Variants in PCDHA7 observed in about 807,000 individuals in gnomAD.
PCDHA7 encodes the protein protocadherin alpha 7.
A neutral mutation model predicts 57.2 loss-of-function variants in PCDHA7; 37 were observed. The ratio of observed to expected loss-of-function variants is 0.65; its 90% CI spans 0.50 to 0.85. The LOEUF (loss-of-function observed/expected upper bound fraction) is 0.85. PCDHA7 is among the 40% of genes least tolerant of loss of function. The pLI is 0.00. For missense variants in PCDHA7, 1,188 were observed against 1,241.8 expected (o/e 0.96, Z 0.65); for synonymous variants, 553 against 558.8 (o/e 0.99, Z 0.15).
chr5:141,009,999 G>A lies in PCDHA7; in HGVS notation c.*62G>A. 1 of 1,575,110 alleles carries A rather than the reference G, an allele frequency of 6.3e-7. No individual in the cohort carries two copies. The highest frequency in any genetic ancestry group is 1.2e-5 in the South Asian group (1 of 82,646). On this transcript the variant is annotated 3_prime_UTR_variant, in exon 4 of 4. Coordinates refer to ENST00000525929, the MANE Select transcript of PCDHA7 (RefSeq NM_018910.3). ...TGTAATAATGGCAAATCTCTCCCAT[G>A]TAGCAATTCCCTGCTCCTTTTTCCT...
At chr5:140,965,689 A>T (rs2095924180) in intron 1 of PCDHA7, among the ~76,000 whole-genome samples, 2 of 152,266 alleles carry the variant, frequency 1.3e-5, no homozygotes, top group African/African-American at 4.8e-5. Context: ...TTGAAGCAAG[A>T]TTAGAAAAAG....
chr5:140,892,233 C>G (rs1199614913), intron 1 of PCDHA7, among the ~76,000 whole-genome samples: 1 of 152,082 alleles, frequency 6.6e-6, no homozygotes, highest in Non-Finnish European at 1.5e-5. Context: ...TGTTTTGTCT[C>G]CACATAAACC....
intron 3 of PCDHA7, among the ~76,000 whole-genome samples, chr5:140,995,850 C>T (rs924455609): frequency 3.9e-5 from 6 of 152,080 alleles, no homozygotes; most frequent in African/African-American, 1.4e-4. Context: ...ACATTTCTAT[C>T]GTATCACTTA....
chr5:140,926,464 A>C (rs1445781673), intron 1 of PCDHA7: 1 of 159,892 alleles, frequency 6.3e-6, no homozygotes, highest in Non-Finnish European at 1.4e-5. Flanking sequence ...TGTCCTAGAA[A>C]ACACCGTTTA....
chr5:140,877,433 A>G, intron 1 of PCDHA7: 8 of 1,613,774 alleles, frequency 5.0e-6, no homozygotes, highest in Non-Finnish European at 6.8e-6. Context: ...GTGAAGGACC[A>G]CGGTGAGCCC....
At chr5:140,952,185 T>C (rs1354216964) in intron 1 of PCDHA7, among the ~76,000 whole-genome samples, 1 of 152,010 alleles carries the variant, frequency 6.6e-6, no homozygotes, top group Non-Finnish European at 1.5e-5. Context: ...GCTGCTCTCA[T>C]GGGTTGGTGT....
In PCDHA7 at chr5:140,838,575, T is replaced by G. The variant is rs1333635354; in HGVS notation, c.2355+1837T>G. Among the ~76,000 whole-genome samples the G allele has an allele frequency of 2.6e-5, 4 of 152,148 alleles. No homozygotes were observed. In the East Asian group the frequency reaches 7.7e-4, roughly 29 times the overall value. The stretch of plus-strand genomic sequence containing the variant: ...TTCATCCAGTACTGTATTAGGGACA[T>G]TAATGAAACAATAACCGAATTGTCT... On this transcript the variant is annotated intron_variant, in intron 1 of 3. Coordinates refer to ENST00000525929, the MANE Select transcript of PCDHA7 (RefSeq NM_018910.3).
rs868958947 is a variant in PCDHA7 at position 140,854,334 on chromosome 5, C to T, written c.2355+17596C>T. On this transcript the variant is annotated intron_variant, in intron 1 of 3. Transcript: ENST00000525929. ...ATTGATCAATGGCAAACTTATTTTA[C>T]GCTCCAGATAGCTAAAACAAACGTT... The T allele has an allele frequency of 4.5e-5, 9 of 198,856 alleles. 1 individual carries two copies. The highest frequency in any genetic ancestry group is 1.9e-4 in the East Asian group (1 of 5,382). The allele number at this position is 198,856 out of a possible 1,614,324, so 12.3% of individuals were successfully genotyped here. A position where few individuals can be genotyped will look rare whatever the true frequency, so the allele number is the denominator to read the frequency against.
chr5:140,991,635 T>C (rs1215420696), intron 3 of PCDHA7, among the ~76,000 whole-genome samples: 1 of 152,220 alleles, frequency 6.6e-6, no homozygotes, highest in East Asian at 1.9e-4. Flanking sequence ...GTAATAACAA[T>C]CTGTTCATGA....
At chr5:140,877,259 C>G in intron 1 of PCDHA7, 1 of 1,613,752 alleles carries the variant, frequency 6.2e-7, no homozygotes, top group Non-Finnish European at 8.5e-7. Flanking sequence ...AAAGTGCGCG[C>G]GGTGGACGCT....
rs2150318031 is a variant in PCDHA7, at chr5:140,841,549, G to A, written c.2355+4811G>A. The A allele has an allele frequency of 3.1e-6, 5 of 1,613,828 alleles. No homozygotes were observed. The South Asian group carries it at 3.3e-5, about 11-fold the overall frequency. On this transcript the variant is annotated intron_variant, in intron 1 of 3. Transcript: ENST00000525929. ...CCAAAAGACACCGGGACCTTCTGGA[G>A]GTAAGTCTGCAGAATGGCATTTTGT...
chr5:140,882,731 G>C, intron 1 of PCDHA7: 1 of 1,614,232 alleles, frequency 6.2e-7, no homozygotes, highest in Non-Finnish European at 8.5e-7. Flanking sequence ...ATTTCCACTA[G>C]ATGGCGCATC....
chr5:141,001,518 C>G (rs573560944), intron 3 of PCDHA7, among the ~76,000 whole-genome samples: 2 of 152,272 alleles, frequency 1.3e-5, no homozygotes, highest in East Asian at 1.9e-4. Context: ...AGCTTTCTCC[C>G]TCTCTCTCTG....
intron 1 of PCDHA7, chr5:140,851,988 A>G: frequency 1.0e-6 from 1 of 975,740 alleles, no homozygotes. Flanking sequence ...AGTGCAAGCT[A>G]TTTGTTTGTT....
chr5:140,849,154 C>G, intron 1 of PCDHA7: 1 of 1,231,386 alleles, frequency 8.1e-7, no homozygotes, highest in Non-Finnish European at 1.1e-6. Context: ...GGAGGCAAAC[C>G]CGAGCTGACT....
intron 3 of PCDHA7, among the ~76,000 whole-genome samples, chr5:140,983,739 G>T (rs983923811): frequency 5.3e-5 from 8 of 152,194 alleles, no homozygotes; most frequent in African/African-American, 1.9e-4. Context: ...TGGCTGGCTT[G>T]CAATAATCCA....
rs2150316766 is a variant in PCDHA7 at position 140,841,503 on chromosome 5, C to A, written c.2355+4765C>A. 418 of 1,613,290 alleles carry A rather than the reference C, an allele frequency of 2.6e-4. 3 individuals are homozygous for A. In the East Asian group the frequency reaches 7.1e-3, roughly 27 times the overall value. On this transcript the variant is annotated intron_variant, in intron 1 of 3. Transcript: ENST00000525929. ...GGGCTGGAGCTGGCGGAGCTGGTGC[C>A]GCGCCTGTTCCGGGTGGCGTCCAAA...
At chr5:140,848,580 G>C (rs2150413370) in intron 1 of PCDHA7, 5 of 1,595,144 alleles carry the variant, frequency 3.1e-6, no homozygotes, top group African/African-American at 1.3e-5. Context: ...GGTGGGGAGC[G>C]GCCAGCTCCA....
chr5:140,946,156 T>G (rs138161459), intron 1 of PCDHA7, among the ~76,000 whole-genome samples: 1 of 151,944 alleles, frequency 6.6e-6, no homozygotes, highest in Non-Finnish European at 1.5e-5. Flanking sequence ...TAACACGATT[T>G]AAAAGATGGG....
Sources: allele counts gnomAD v4.1 joint callset (sites outside exome capture counted in the v4.1 genomes callset), GRCh38; gene constraint gnomAD v4.1.1; transcripts MANE v1.5; gene names NCBI Gene and HGNC (gene_info 2026-07-23, HGNC 2026-07-21).